The following CCNY variants were observed in gnomAD, a reference collection of about 807,000 sequenced individuals.
CCNY encodes the protein cyclin Y.
CCNY carries 19 observed loss-of-function variants against 42.8 expected under a neutral mutation model. The ratio of observed to expected loss-of-function variants is 0.44; its 90% CI spans 0.31 to 0.65. The LOEUF (loss-of-function observed/expected upper bound fraction) is 0.65. Among genes scored for constraint, CCNY ranks in the 30% least tolerant of loss-of-function variants. The pLI, the probability that CCNY is intolerant of heterozygous loss-of-function variation, is 0.07. For synonymous variants in CCNY, 165 were observed against 162.7 expected (o/e 1.01, Z -0.11); for missense variants, 370 against 437.3 (o/e 0.85, Z 1.37).
chr10:35,491,571 G>GGA (rs1475816940), intron 2 of CCNY, among the ~76,000 whole-genome samples: 1 of 152,166 alleles, frequency 6.6e-6, no homozygotes, highest in African/African-American at 2.4e-5. Context: ...TCAGAAGTCA[G>GGA]CGTCTTTCCT....
intron 1 of CCNY, among the ~76,000 whole-genome samples, chr10:35,464,564 T>C (rs1473335042): frequency 7.4e-6 from 1 of 135,634 alleles, no homozygotes; most frequent in East Asian, 2.0e-4. Flanking sequence ...CCCAGTATGC[T>C]TTTTTTTTTT....
intron 3 of CCNY, among the ~76,000 whole-genome samples, chr10:35,275,813 A>T (rs1446371359): frequency 6.6e-6 from 1 of 152,018 alleles, no homozygotes. Context: ...TGACCAGAGG[A>T]ATGACCACTG....
intron 1 of CCNY, among the ~76,000 whole-genome samples, chr10:35,469,608 G>C (rs921933171): frequency 4.0e-5 from 6 of 149,868 alleles, no homozygotes; most frequent in Non-Finnish European, 7.4e-5. Flanking sequence ...AGACAGGGCA[G>C]TGGAGAGACA....
At chr10:35,453,983 C>G (rs1838975614) in intron 1 of CCNY, among the ~76,000 whole-genome samples, 1 of 152,136 alleles carries the variant, frequency 6.6e-6, no homozygotes, top group Non-Finnish European at 1.5e-5. Context: ...GAGTCATGAT[C>G]CTCTAAATGG....
chr10:35,290,170 G>A (rs570479962), intron 3 of CCNY, among the ~76,000 whole-genome samples: 2 of 150,822 alleles, frequency 1.3e-5, no homozygotes, highest in South Asian at 4.2e-4. Flanking sequence ...AGGTTGCAGT[G>A]AGCAGAGATC....
chr10:35,361,429 G>C (rs1004085326), intron 1 of CCNY, among the ~76,000 whole-genome samples: 9 of 152,106 alleles, frequency 5.9e-5, no homozygotes, highest in Non-Finnish European at 1.2e-4. Context: ...AGCATTAATT[G>C]AGTGCTTAGA....
intron 1 of CCNY, among the ~76,000 whole-genome samples, chr10:35,406,595 A>G (rs1236319429): frequency 1.3e-5 from 2 of 152,222 alleles, no homozygotes; most frequent in Non-Finnish European, 2.9e-5. Flanking sequence ...TTTTCTTAGT[A>G]CAGAACAAAA....
chr10:35,372,203 G>A (rs1364529456), intron 1 of CCNY, among the ~76,000 whole-genome samples: 2 of 152,196 alleles, frequency 1.3e-5, no homozygotes, highest in Non-Finnish European at 2.9e-5. Context: ...GAACTCCAGG[G>A]TTCCCATTCA....
chr10:35,407,310 A>G (rs766921014), intron 1 of CCNY, among the ~76,000 whole-genome samples: 4 of 152,032 alleles, frequency 2.6e-5, no homozygotes, highest in African/African-American at 4.8e-5. Context: ...TGGCCTGGCA[A>G]GGAGCAGCCT....
chr10:35,342,419 A>G (rs1836202719), intron 1 of CCNY, among the ~76,000 whole-genome samples: 1 of 152,232 alleles, frequency 6.6e-6, no homozygotes. Context: ...ACTTCATATT[A>G]GTTAGCAGTG....
chr10:35,504,347 A>G (rs1167822474), intron 3 of CCNY, among the ~76,000 whole-genome samples: 1 of 152,182 alleles, frequency 6.6e-6, no homozygotes, highest in Non-Finnish European at 1.5e-5. Context: ...GACCCAGGAC[A>G]TTCTCCAGGG....
intron 1 of CCNY, among the ~76,000 whole-genome samples, chr10:35,470,658 C>T (rs1461730434): frequency 1.3e-5 from 2 of 152,184 alleles, no homozygotes; most frequent in East Asian, 1.9e-4. Flanking sequence ...ACCAGAACTG[C>T]AGTAGCAGCA....
intron 7 of CCNY, among the ~76,000 whole-genome samples, chr10:35,537,602 C>A (rs1475994103): frequency 1.3e-5 from 2 of 152,186 alleles, no homozygotes; most frequent in Non-Finnish European, 2.9e-5. Context: ...CAAAGGAGAT[C>A]ATTTTAGAGC....
intron 7 of CCNY, among the ~76,000 whole-genome samples, chr10:35,548,542 C>G (rs957472009): frequency 2.6e-5 from 4 of 152,046 alleles, no homozygotes; most frequent in African/African-American, 9.7e-5. Flanking sequence ...GTGATCTGCC[C>G]ACCTTGGCCT....
At chr10:35,308,452 T>C (rs1351159857) in intron 3 of CCNY, among the ~76,000 whole-genome samples, 14 of 151,988 alleles carry the variant, frequency 9.2e-5, no homozygotes. Context: ...CTTGGGAGGC[T>C]GAGGTGGGAG....
At chr10:35,340,040 G>C (rs1340504781) in intron 1 of CCNY, among the ~76,000 whole-genome samples, 1 of 152,154 alleles carries the variant, frequency 6.6e-6, no homozygotes, top group Non-Finnish European at 1.5e-5. Flanking sequence ...CTCTGTAGCA[G>C]CTGTCACCAG....
chr10:35,420,598 C>T (rs1218345351), intron 1 of CCNY, among the ~76,000 whole-genome samples: 1 of 152,216 alleles, frequency 6.6e-6, no homozygotes, highest in African/African-American at 2.4e-5. Context: ...TCTAGGATCA[C>T]CTTACCCAGT....
intron 1 of CCNY, among the ~76,000 whole-genome samples, chr10:35,414,141 T>C (rs1837973627): frequency 6.6e-6 from 1 of 152,236 alleles, no homozygotes; most frequent in African/African-American, 2.4e-5. Flanking sequence ...CAACACACAT[T>C]GACTCTATCA....
chr10:35,308,802 G>A (rs532336183), intron 3 of CCNY, among the ~76,000 whole-genome samples: 4 of 152,192 alleles, frequency 2.6e-5, no homozygotes, highest in African/African-American at 9.6e-5. Flanking sequence ...GCTCAGAGTC[G>A]GGGCAAAAAG....
Sources: gnomAD v4.1 joint callset for allele counts (sites outside exome capture counted in the v4.1 genomes callset) on GRCh38, gnomAD v4.1.1 for gene constraint, MANE v1.5 for transcripts, NCBI Gene and HGNC (gene_info 2026-07-23, HGNC 2026-07-21) for gene names.